Variants in INTS9 observed in about 807,000 individuals in gnomAD.
INTS9 encodes protein related to CPSF subunits of 74 kDa.
Under a neutral mutation model 79.7 loss-of-function variants are expected in INTS9, and 55 were observed. That is an observed-to-expected ratio of 0.69 (90% confidence interval 0.56 to 0.86). The LOEUF (loss-of-function observed/expected upper bound fraction) is 0.86. Ranked by LOEUF, INTS9 falls within the 40% of genes least tolerant of loss-of-function variation. The probability of loss-of-function intolerance (pLI) is 0.00; values close to 1 mark genes in which losing one functional copy is unlikely to be tolerated. For synonymous variants in INTS9, 319 were observed against 325.2 expected (o/e 0.98, Z 0.20); for missense variants, 721 against 831.5 (o/e 0.87, Z 1.64).
intron 1 of INTS9, among the ~76,000 whole-genome samples, chr8:28,876,729 T>G (rs953481619): frequency 6.6e-6 from 1 of 151,636 alleles, no homozygotes; most frequent in African/African-American, 2.4e-5. Flanking sequence ...GGAAAACCCA[T>G]GAGAATCAAC....
chr8:28,792,992 A>G (rs746243679), intron 10 of INTS9, among the ~76,000 whole-genome samples: 5 of 152,294 alleles, frequency 3.3e-5, no homozygotes, highest in Non-Finnish European at 5.9e-5. Flanking sequence ...ACAGCGGGGA[A>G]AAAAACGACC....
chr8:28,876,413 T>C (rs1454641610), intron 1 of INTS9, among the ~76,000 whole-genome samples: 1 of 152,192 alleles, frequency 6.6e-6, no homozygotes. Context: ...ACAAATACAT[T>C]TTCTCTTTAG....
intron 8 of INTS9, among the ~76,000 whole-genome samples, chr8:28,798,960 C>T (rs1458929077): frequency 6.6e-6 from 1 of 152,150 alleles, no homozygotes; most frequent in Non-Finnish European, 1.5e-5. Flanking sequence ...GCAAGACTCT[C>T]TCCCTCTCAA....
chr8:28,813,627 C>G lies in INTS9; in HGVS notation c.489-15G>C, dbSNP rs760899158. ...AAGGTAACAGCCTGCAAATGGATCA[C>G]AATGTCAACTACCAGGTGAACATTT... On this transcript the variant is annotated splice_polypyrimidine_tract_variant and intron_variant, in intron 6 of 16. Coordinates refer to ENST00000521022, the MANE Select transcript of INTS9 (RefSeq NM_018250.4). 2 of 1,611,986 alleles carry G rather than the reference C, an allele frequency of 1.2e-6. No homozygotes were observed. The highest frequency in any genetic ancestry group is 1.7e-6 in the Non-Finnish European group (2 of 1,179,254).
At chr8:28,872,422 A>G (rs189280065) in intron 1 of INTS9, among the ~76,000 whole-genome samples, 6 of 152,262 alleles carry the variant, frequency 3.9e-5, no homozygotes, top group East Asian at 1.9e-4. Flanking sequence ...CTCATTAACT[A>G]TATGTCTCTT....
intron 8 of INTS9, among the ~76,000 whole-genome samples, chr8:28,809,139 C>T (rs536130633): frequency 2.6e-4 from 39 of 151,848 alleles, no homozygotes; most frequent in Admixed American, 2.2e-3. Flanking sequence ...TTTAACTTTT[C>T]GTAGAGATGG....
At chr8:28,859,330 A>G in intron 2 of INTS9, 106 bp downstream of exon 2, 1 of 1,290,482 alleles carries the variant, frequency 7.7e-7, no homozygotes, top group Non-Finnish European at 1.1e-6. Context: ...TAAGGAAACA[A>G]AGCAAACTTA....
intron 6 of INTS9, among the ~76,000 whole-genome samples, chr8:28,826,774 G>A (rs897826980): frequency 2.0e-5 from 3 of 152,118 alleles, no homozygotes; most frequent in Non-Finnish European, 2.9e-5. Context: ...CTTGCCATTT[G>A]GCATCTATTT....
chr8:28,877,795 A>T (rs770698991), intron 1 of INTS9, among the ~76,000 whole-genome samples: 1 of 152,226 alleles, frequency 6.6e-6, no homozygotes, highest in Non-Finnish European at 1.5e-5. Flanking sequence ...AACAAAAACC[A>T]TGCCCTAAAC....
At chr8:28,855,196 A>C (rs1039834389) in intron 2 of INTS9, among the ~76,000 whole-genome samples, 3 of 152,178 alleles carry the variant, frequency 2.0e-5, no homozygotes, top group Non-Finnish European at 4.4e-5. Flanking sequence ...GAAACAATAC[A>C]TGTGACTGCT....
intron 1 of INTS9, among the ~76,000 whole-genome samples, chr8:28,878,123 A>C (rs1809492673): frequency 6.6e-6 from 1 of 152,218 alleles, no homozygotes; most frequent in South Asian, 2.1e-4. Flanking sequence ...TCTAACTTAA[A>C]AAAGAAAAAT....
chr8:28,869,315 G>A (rs893710863), intron 1 of INTS9, among the ~76,000 whole-genome samples: 3 of 152,102 alleles, frequency 2.0e-5, no homozygotes, highest in African/African-American at 7.2e-5. Flanking sequence ...CAAAGTGCTG[G>A]GATTACAGGT....
intron 6 of INTS9, among the ~76,000 whole-genome samples, chr8:28,816,004 G>T (rs922426773): frequency 6.6e-6 from 1 of 151,686 alleles, no homozygotes; most frequent in East Asian, 1.9e-4. Flanking sequence ...TACAAGGAAA[G>T]AAAATTAGAT....
At chr8:28,779,129 A>G (rs1392851962) in intron 12 of INTS9, among the ~76,000 whole-genome samples, 1 of 152,220 alleles carries the variant, frequency 6.6e-6, no homozygotes, top group East Asian at 1.9e-4. Flanking sequence ...ATGTCGAGTC[A>G]CCACTCAGCA....
At chr8:28,787,974 T>A in intron 10 of INTS9, 85 bp from the exon 11 acceptor site, 1 of 803,542 alleles carries the variant, frequency 1.2e-6, no homozygotes, top group Non-Finnish European at 2.0e-6. Flanking sequence ...GTGCAAATAT[T>A]AAATACTGAA....
chr8:28,860,373 GGAA>G (rs1388416410), intron 1 of INTS9, among the ~76,000 whole-genome samples: 5 of 152,136 alleles, frequency 3.3e-5, no homozygotes, highest in Admixed American at 6.5e-5. Flanking sequence ...GAAAAGAAAT[GGAA>G]GAAGACCCTT....
chr8:28,882,558 A>G (rs1267359766), intron 1 of INTS9, among the ~76,000 whole-genome samples: 1 of 148,986 alleles, frequency 6.7e-6, no homozygotes, highest in Non-Finnish European at 1.5e-5. Flanking sequence ...GAAAAAAAAA[A>G]AGAAAAATGT....
intron 6 of INTS9, among the ~76,000 whole-genome samples, chr8:28,824,017 G>A (rs1806003875): frequency 1.3e-5 from 2 of 152,144 alleles, no homozygotes; most frequent in South Asian, 2.1e-4. Flanking sequence ...GGTACACATA[G>A]TGAACTGCTT....
At chr8:28,780,693 A>C in intron 12 of INTS9, 130 bp downstream of exon 12, 1 of 1,470,032 alleles carries the variant, frequency 6.8e-7, no homozygotes, top group Non-Finnish European at 9.0e-7. Flanking sequence ...ATTCTTTGGT[A>C]CCTACAGTAG....
Sources: gnomAD v4.1 joint callset for allele counts (sites outside exome capture counted in the v4.1 genomes callset) on GRCh38, gnomAD v4.1.1 for gene constraint, MANE v1.5 for transcripts, NCBI Gene and HGNC (gene_info 2026-07-23, HGNC 2026-07-21) for gene names.